Variants in ST13 observed in about 807,000 individuals in gnomAD.
ST13 encodes hsc70-interacting protein.
In ST13, 23 loss-of-function variants were observed where a neutral mutation model predicts 56.7. The observed-to-expected ratio is 0.41, with a 90% CI of 0.29 to 0.57. ST13 has a LOEUF of 0.57. ST13 is among the 20% of genes least tolerant of loss of function. The pLI is 0.36. For missense variants in ST13, 369 were observed against 459.9 expected, an observed-to-expected ratio of 0.80 and a Z score of 1.81; for synonymous variants, 132 against 142.4, an observed-to-expected ratio of 0.93 and a Z score of 0.52.
intron 8 of ST13, chr22:40,832,163 G>C (rs971746743): frequency 2.1e-6 from 1 of 471,276 alleles, no homozygotes; most frequent in African/African-American, 2.0e-5. Context: ...CGGAAAGCCT[G>C]AAACTTCTTA....
intron 1 of ST13, among the ~76,000 whole-genome samples, chr22:40,854,844 A>G (rs1025443155): frequency 6.6e-6 from 1 of 152,246 alleles, no homozygotes; most frequent in African/African-American, 2.4e-5. Flanking sequence ...GCTGTTCAAT[A>G]GAGAAAACGA....
At chr22:40,835,354 T>G in intron 7 of ST13, 7 of 427,524 alleles carry the variant, frequency 1.6e-5, no homozygotes, top group East Asian at 3.8e-5. Flanking sequence ...CCTTCCTATA[T>G]TCTCACTTCT....
intron 1 of ST13, among the ~76,000 whole-genome samples, chr22:40,852,909 T>C (rs1052749614): frequency 6.6e-6 from 1 of 152,204 alleles, no homozygotes; most frequent in Non-Finnish European, 1.5e-5. Flanking sequence ...GTCAGGAATG[T>C]ATTTAGAGTG....
Position 40,848,278 on chromosome 22 carries a change from A to C in ST13, c.244+16T>G, listed in dbSNP as rs2057842755. On this transcript the variant is annotated intron_variant, in intron 3 of 11. Transcript: ENST00000216218. ...ATCATAGGTTTTCAAATACAAACTA[A>C]CTACCGTCTCCTCACCTAGATCACT... 1 of 1,597,408 alleles carries C rather than the reference A, an allele frequency of 6.3e-7. No homozygotes were observed. Among genetic ancestry groups the C allele is most frequent in the Non-Finnish European group, 8.6e-7 (1 of 1,164,964 alleles).
At chr22:40,846,179 AC>A (rs201636135) in intron 3 of ST13, among the ~76,000 whole-genome samples, 2,261 of 151,992 alleles carry the variant, frequency 0.015, 57 homozygotes, top group African/African-American at 0.053. Context: ...CAGGTGGTCC[AC>A]CCGCCTCAGC....
rs1251422204 is a variant in ST13 at position 40,827,218 on chromosome 22, C to T, written c.859G>A (p.Gly287Arg). 6.2e-7 allele frequency: 1 copy of T among 1,613,624 alleles called. No individual in the cohort carries two copies. The highest frequency in any genetic ancestry group is 8.5e-7 in the Non-Finnish European group (1 of 1,179,938). ...CCGGGAAAATTACCAGGCATTCCCCCAGGAAAGCCACCTGTAATAAAAAAT... is the reference window on the plus strand; with the variant it reads ...CCGGGAAAATTACCAGGCATTCCCCTAGGAAAGCCACCTGTAATAAAAAAT... ...QYGSFPGGFPGGMPGNFPGGM... is the reference protein window; with the variant it reads ...QYGSFPGGFPRGMPGNFPGGM... The change falls in exon 11 of 12, where the codon GGG becomes AGG. Residue 287 changes from glycine to arginine, a missense_variant. Gly to Arg is a moderately radical substitution (Grantham distance 125). Around this residue, in one of 3 missense-constraint regions of ST13, gnomAD observed 136 missense variants for 159.2 expected, o/e 0.85. Coordinates refer to ENST00000216218, the MANE Select transcript of ST13 (RefSeq NM_003932.5).
chr22:40,843,033 T>A (rs2057812008), intron 4 of ST13, among the ~76,000 whole-genome samples: 2 of 152,116 alleles, frequency 1.3e-5, no homozygotes, highest in Admixed American at 6.5e-5. Flanking sequence ...GGTGGGAGGA[T>A]CACTTGAGCC....
chr22:40,842,161 A>C (rs2057807850), intron 4 of ST13, among the ~76,000 whole-genome samples: 1 of 152,186 alleles, frequency 6.6e-6, no homozygotes, highest in Non-Finnish European at 1.5e-5. Context: ...ACAAAAAAAC[A>C]CCATGCTGAG....
Position 40,850,873 on chromosome 22 carries a change from CA to C in ST13, c.117del (p.Gly40ValfsTer30). 1 of 1,594,566 alleles carries C rather than the reference CA, an allele frequency of 6.3e-7. No individual in the cohort carries two copies. Among genetic ancestry groups the C allele is most frequent in the Non-Finnish European group, 8.5e-7 (1 of 1,173,712 alleles). On this transcript the variant is annotated frameshift_variant, in exon 2 of 12. Transcript: ENST00000216218. LOFTEE classifies it high-confidence loss of function. ...TTCTGAGTAGCAGGTGGTACTTTAC[CA>C]CCCATGCTTGAAGAAGATGAGAAAA... The part of the protein sequence containing the change: ...RFLREWVESM[G>X]GKVPPATQKA...
At chr22:40,856,100 A>C (rs1236064595) in intron 1 of ST13, among the ~76,000 whole-genome samples, 2 of 152,182 alleles carry the variant, frequency 1.3e-5, no homozygotes, top group Admixed American at 1.3e-4. Context: ...ACTGAAAGAA[A>C]AACAACCCCA....
At chr22:40,854,167 G>A (rs1302491452) in intron 1 of ST13, among the ~76,000 whole-genome samples, 1 of 152,190 alleles carries the variant, frequency 6.6e-6, no homozygotes, top group Non-Finnish European at 1.5e-5. Flanking sequence ...AGTAGCATCA[G>A]GCCTAGGAAG....
chr22:40,843,901 T>C (rs138341), intron 4 of ST13, among the ~76,000 whole-genome samples: 5 of 131,208 alleles, frequency 3.8e-5, no homozygotes, highest in Non-Finnish European at 8.2e-5. Context: ...TTTTTTTTTT[T>C]AAATAGAGTT....
intron 4 of ST13, 116 bp downstream of exon 4, chr22:40,844,723 G>A (rs2057822145): frequency 2.5e-6 from 2 of 804,392 alleles, no homozygotes; most frequent in Non-Finnish European, 4.0e-6. Flanking sequence ...AACGCCTGAA[G>A]TCAGAGAAAG....
intron 3 of ST13, among the ~76,000 whole-genome samples, chr22:40,847,977 G>A (rs1029964930): frequency 6.6e-6 from 1 of 152,066 alleles, no homozygotes; most frequent in Non-Finnish European, 1.5e-5. Flanking sequence ...AACCTGGGAG[G>A]TGGAGGTTGC....
intron 1 of ST13, among the ~76,000 whole-genome samples, chr22:40,853,423 A>G (rs573055941): frequency 6.5e-4 from 99 of 152,362 alleles, no homozygotes; most frequent in Middle Eastern, 3.4e-3. Context: ...ATTCTAGTTA[A>G]CTAATGGAAG....
intron 5 of ST13, among the ~76,000 whole-genome samples, chr22:40,839,108 CAGAA>C (rs2057790663): frequency 6.6e-6 from 1 of 151,918 alleles, no homozygotes; most frequent in Non-Finnish European, 1.5e-5. Flanking sequence ...GGAAAGTAAA[CAGAA>C]AGCAATAAAG....
Position 40,840,662 on chromosome 22 carries a change from C to A in ST13, c.346G>T (p.Asp116Tyr), listed in dbSNP as rs770423131. The change falls in exon 5 of 12, where the codon GAT becomes TAT. Residue 116 changes from aspartate (D) to tyrosine (Y), a missense_variant. Around this residue, in one of 3 missense-constraint regions of ST13, gnomAD observed 169 missense variants for 175.6 expected, o/e 0.96. Transcript: ENST00000216218. ...GCTTCAATAGCAGCCACTTTTTTAT[C>A]ATTTGCCTGATCCATCATCTCCTCC... Reference protein sequence around the residue: ...ITEEMMDQANDKKVAAIEALN... With the variant: ...ITEEMMDQANYKKVAAIEALN... 3.7e-6 allele frequency: 6 copies of A among 1,610,554 alleles called. No homozygotes were observed. Among genetic ancestry groups the A allele is most frequent in the Admixed American group, 3.4e-5 (2 of 59,510 alleles).
intron 7 of ST13, among the ~76,000 whole-genome samples, chr22:40,833,824 C>T (rs934721869): frequency 3.9e-5 from 6 of 152,176 alleles, no homozygotes; most frequent in Admixed American, 2.6e-4. Context: ...CAAGATTGCA[C>T]CACTTCACTC....
At chr22:40,850,761 A>G in intron 2 of ST13, 62 bp downstream of exon 2, 2 of 1,323,972 alleles carry the variant, frequency 1.5e-6, no homozygotes, top group South Asian at 1.3e-5. Context: ...CAGTTTAAAA[A>G]CAACCCCTAA....
Sources: allele counts gnomAD v4.1 joint callset (sites outside exome capture counted in the v4.1 genomes callset), GRCh38; gene constraint gnomAD v4.1.1; regional missense constraint gnomAD v4.1.1; transcripts MANE v1.5; gene names NCBI Gene and HGNC (gene_info 2026-07-23, HGNC 2026-07-21).